Variants in P2RY14 observed in about 807,000 individuals in gnomAD.
P2RY14 encodes purinergic receptor P2Y14.
P2RY14 carries 2 observed loss-of-function variants against 0.9 expected under a neutral mutation model. The observed-to-expected ratio is 2.16, with a 90% CI of 0.88 to 6.79. The LOEUF (loss-of-function observed/expected upper bound fraction) is 6.79. Among genes scored for constraint, P2RY14 ranks in the 30% most tolerant of loss-of-function variants. The pLI is 0.05. For synonymous variants in P2RY14, 158 were observed against 147.2 expected (o/e 1.07, Z -0.53); for missense variants, 378 against 400.1 (o/e 0.94, Z 0.47).
chr3:151,239,603 CTG>C (rs1418098865), intron 1 of P2RY14, among the ~76,000 whole-genome samples: 1 of 152,116 alleles, frequency 6.6e-6, no homozygotes, highest in Non-Finnish European at 1.5e-5. Context: ...AGTTTTATAA[CTG>C]TCACAATTTT....
At chr3:151,265,856 T>C (rs1739726718) in intron 1 of P2RY14, among the ~76,000 whole-genome samples, 1 of 152,200 alleles carries the variant, frequency 6.6e-6, no homozygotes, top group Admixed American at 6.5e-5. Flanking sequence ...TGGAAGGGTC[T>C]CTTGGTCCTT....
rs1559884589 is a variant in P2RY14 at position 151,213,423 on chromosome 3, T to C, written c.894A>G (p.Leu298=). The change falls in exon 3 of 3, where the codon CTA becomes CTG. Residue 298 remains leucine, a synonymous_variant. Coordinates refer to ENST00000309170, the MANE Select transcript of P2RY14 (RefSeq NM_014879.4). The stretch of plus-strand genomic sequence containing the variant: ...ATAAGATTTCCCTAAACGGCTGGCA[T>C]AGAAAGAAATAAATAATAGGGTCCA... ...VCLDPIIYFF[L]CQPFREILCK... 8.7e-6 allele frequency: 14 copies of C among 1,614,158 alleles called. No individual in the cohort carries two copies. In the Middle Eastern group the frequency reaches 4.9e-4, roughly 57 times the overall value.
intron 2 of P2RY14, among the ~76,000 whole-genome samples, chr3:151,214,597 C>T (rs1576992484): frequency 6.7e-6 from 1 of 148,556 alleles, no homozygotes; most frequent in Non-Finnish European, 1.5e-5. Context: ...CTTCTCCCCT[C>T]TCCCCCTCCC....
intron 1 of P2RY14, among the ~76,000 whole-genome samples, chr3:151,224,829 T>G (rs1577026489): frequency 6.6e-6 from 1 of 152,204 alleles, no homozygotes; most frequent in East Asian, 1.9e-4. Flanking sequence ...TGATTTCCCC[T>G]TATTGAAATC....
At chr3:151,265,064 C>T (rs1739581158) in intron 1 of P2RY14, among the ~76,000 whole-genome samples, 1 of 152,196 alleles carries the variant, frequency 6.6e-6, no homozygotes, top group Non-Finnish European at 1.5e-5. Flanking sequence ...TTTTCCAGAA[C>T]TCGCCATTAT....
intron 2 of P2RY14, among the ~76,000 whole-genome samples, chr3:151,215,512 A>C (rs989175248): frequency 1.3e-5 from 2 of 152,084 alleles, no homozygotes; most frequent in Admixed American, 6.6e-5. Context: ...TTTAAATTAC[A>C]TATGTGTTTC....
intron 1 of P2RY14, among the ~76,000 whole-genome samples, chr3:151,276,258 G>A (rs532388287): frequency 3.3e-5 from 5 of 152,350 alleles, no homozygotes; most frequent in African/African-American, 1.2e-4. Context: ...TCAATAATTT[G>A]CATGTCTGAC....
chr3:151,214,883 A>G (rs1727890560), intron 2 of P2RY14, among the ~76,000 whole-genome samples: 1 of 152,212 alleles, frequency 6.6e-6, no homozygotes, highest in Admixed American at 6.5e-5. Context: ...GTATTTTTTT[A>G]AAACCTATGT....
chr3:151,221,556 G>T (rs755782555), intron 1 of P2RY14, among the ~76,000 whole-genome samples: 1 of 152,194 alleles, frequency 6.6e-6, no homozygotes, highest in East Asian at 1.9e-4. Flanking sequence ...CCACTCTAGT[G>T]TGGCTGAAAG....
intron 1 of P2RY14, among the ~76,000 whole-genome samples, chr3:151,251,904 TTAAAAA>T (rs755775167): frequency 1.1e-4 from 16 of 152,208 alleles, no homozygotes; most frequent in Non-Finnish European, 2.1e-4. Context: ...TGGAATCACC[TTAAAAA>T]TTAAATGTTT....
chr3:151,235,508 A>C (rs1219328178), intron 1 of P2RY14, among the ~76,000 whole-genome samples: 2 of 152,154 alleles, frequency 1.3e-5, no homozygotes, highest in Admixed American at 6.5e-5. Flanking sequence ...GATCGAGACC[A>C]TCATGGCTAA....
intron 1 of P2RY14, among the ~76,000 whole-genome samples, chr3:151,251,311 T>C (rs1736809426): frequency 6.6e-6 from 1 of 152,186 alleles, no homozygotes; most frequent in African/African-American, 2.4e-5. Context: ...CATCTACCCA[T>C]TACCCAAGCT....
At chr3:151,215,649 A>G (rs1361421957) in intron 2 of P2RY14, among the ~76,000 whole-genome samples, 1 of 152,220 alleles carries the variant, frequency 6.6e-6, no homozygotes, top group Non-Finnish European at 1.5e-5. Context: ...CTAGAATTAA[A>G]TTCAAAAGGT....
chr3:151,241,533 A>C (rs1296699235), intron 1 of P2RY14, among the ~76,000 whole-genome samples: 1 of 152,166 alleles, frequency 6.6e-6, no homozygotes, highest in African/African-American at 2.4e-5. Flanking sequence ...TGATGTGGAG[A>C]GATGCAAATG....
chr3:151,240,269 A>G (rs2149375602), intron 1 of P2RY14, among the ~76,000 whole-genome samples: 1 of 152,342 alleles, frequency 6.6e-6, no homozygotes, highest in South Asian at 2.1e-4. Context: ...GAATGATGGC[A>G]GGTAAATTGG....
intron 1 of P2RY14, among the ~76,000 whole-genome samples, chr3:151,224,701 A>G (rs1406054135): frequency 6.6e-6 from 1 of 152,190 alleles, no homozygotes; most frequent in African/African-American, 2.4e-5. Context: ...CACCCAGAGC[A>G]TTTAAAGTTT....
chr3:151,230,570 CT>C (rs368433695), intron 1 of P2RY14, among the ~76,000 whole-genome samples: 6,660 of 139,270 alleles, frequency 0.048, 398 homozygotes, highest in African/African-American at 0.15. Flanking sequence ...TTACTCCACG[CT>C]TTTTTTTTTT....
At chr3:151,226,507 C>T (rs1274766610) in intron 1 of P2RY14, among the ~76,000 whole-genome samples, 1 of 152,172 alleles carries the variant, frequency 6.6e-6, no homozygotes, top group Non-Finnish European at 1.5e-5. Context: ...CCAGGGCTCC[C>T]CTGCTCCTGA....
chr3:151,229,116 C>T (rs548927163), intron 1 of P2RY14, among the ~76,000 whole-genome samples: 2 of 152,162 alleles, frequency 1.3e-5, no homozygotes, highest in Admixed American at 1.3e-4. Context: ...GCTTATATAG[C>T]CAAAGGAAAA....
Sources: gnomAD v4.1 joint callset for allele counts (sites outside exome capture counted in the v4.1 genomes callset) on GRCh38, gnomAD v4.1.1 for gene constraint, MANE v1.5 for transcripts, NCBI Gene and HGNC (gene_info 2026-07-23, HGNC 2026-07-21) for gene names.